TMEM268: variants seen among roughly 807,000 people sequenced by gnomAD.
The protein encoded by TMEM268 is transmembrane protein 268, also known as transmembrane protein C9orf91.
In TMEM268, 24 loss-of-function variants were observed where a neutral mutation model predicts 39.1. The observed-to-expected ratio is 0.61, with a 90% CI of 0.44 to 0.86. The LOEUF is 0.86. Ranked by LOEUF, TMEM268 falls within the 40% of genes least tolerant of loss-of-function variation. The pLI is 0.00. For synonymous variants in TMEM268, 176 were observed against 173.5 expected (o/e 1.01, Z -0.12); for missense variants, 409 against 428.6 (o/e 0.95, Z 0.40).
the TMEM268 span, among the ~76,000 whole-genome samples, chr9:114,605,467 C>T: frequency 1.3e-5 from 2 of 152,130 alleles, no homozygotes; most frequent in Non-Finnish European, 2.9e-5. Flanking sequence ...ATCAGGTCAA[C>T]ATAGATCTTC....
In TMEM268 at chr9:114,643,247, A is replaced by G. The variant is rs1405962682; in HGVS notation, c.963A>G (p.Pro321=). ...GTRHTNSPRI[P]CPCQLIEAYI... The stretch of plus-strand genomic sequence containing the variant: ...GACACACGAACTCTCCGAGAATTCC[A>G]TGCCCCTGCCAGCTCATAGAAGCCT... Residue 321 remains proline (P), a synonymous_variant, in exon 9 of 9, where the codon CCA becomes CCG. Transcript: ENST00000288502. The G allele has an allele frequency of 1.2e-6, 2 of 1,614,156 alleles. No homozygotes were observed. The highest frequency in any genetic ancestry group is 1.7e-6 in the Non-Finnish European group (2 of 1,180,012).
chr9:114,637,049 A>G lies in TMEM268; in HGVS notation c.645A>G (p.Gln215=), dbSNP rs749254477. 2 of 1,611,928 alleles carry G rather than the reference A, an allele frequency of 1.2e-6. No homozygotes were observed. The highest frequency in any genetic ancestry group is 2.2e-5 in the South Asian group (2 of 91,000). ...TGCAGTTTTTGTCTGATCATGTTCA[A>G]GAAATGAAGACTAGCCAAGAGGTAA... ...NCVQFLSDHV[Q]EMKTSQESLL... The change falls in exon 7 of 9, where the codon CAA becomes CAG. Residue 215 remains glutamine, a synonymous_variant. Transcript: ENST00000288502.
chr9:114,633,907 G>A, intron 6 of TMEM268, 29 bp downstream of exon 6: 1 of 1,345,100 alleles, frequency 7.4e-7, no homozygotes. Context: ...ACCTCTTCCT[G>A]ATGGCCCAGT....
In TMEM268 at chr9:114,638,650, C is replaced by G. The variant is rs776385294; in HGVS notation, c.773C>G (p.Pro258Arg). ...PENLEDAPLL[P>R]GNSCPNERPL... ...AACTTGGAGGATGCTCCTCTCCTGC[C>G]CGGCAATTCTTGTCCTAACGAGAGG... The change falls in exon 8 of 9, where the codon CCC (proline) becomes CGC (arginine). Residue 258 changes from proline to arginine, a missense_variant. Pro to Arg is a moderately radical substitution (Grantham distance 103). Transcript: ENST00000288502. The G allele has an allele frequency of 6.2e-7, 1 of 1,610,154 alleles. No individual in the cohort carries two copies. Among genetic ancestry groups the G allele is most frequent in the Non-Finnish European group, 8.5e-7 (1 of 1,178,438 alleles).
chr9:114,627,152 G>A (rs1476193500), intron 4 of TMEM268, 146 bp downstream of exon 4: 1 of 548,100 alleles, frequency 1.8e-6, no homozygotes, highest in African/African-American at 1.9e-5. Context: ...AGTACATATG[G>A]ACATTGATTT....
Position 114,624,415 on chromosome 9 carries a change from G to A in TMEM268, c.172G>A (p.Asp58Asn), listed in dbSNP as rs1323952972. The A allele has an allele frequency of 3.1e-6, 5 of 1,597,334 alleles. No homozygotes were observed. The highest frequency in any genetic ancestry group is 1.6e-4 in the Middle Eastern group (1 of 6,064). ...CAATACCTGTGCACCCATCTCCTTC[G>A]ACCTGGGAGCCGCAGAAGAGCAACT... ...IDNTCAPISF[D>N]LGAAEEQLQT... Residue 58 changes from aspartate to asparagine, a missense_variant, in exon 3 of 9, where the codon GAC becomes AAC. Transcript: ENST00000288502.
In TMEM268 at chr9:114,634,431, AAGG is replaced by A. The variant is rs1846540055; in HGVS notation, c.585+554_585+556del. ...GGCCGGAGAGGCAGGTCAGATGCTG[AAGG>A]CCTTGTTTGCCTGGCTTGGTCATTC... is the stretch of plus-strand genomic sequence containing the variant. On this transcript the variant is annotated intron_variant, in intron 6 of 8. Coordinates refer to ENST00000288502, the MANE Select transcript of TMEM268 (RefSeq NM_153045.4). Among the ~76,000 whole-genome samples, 4 of 152,166 alleles carry A rather than the reference AAGG, an allele frequency of 2.6e-5. No individual in the cohort carries two copies. In the South Asian group the frequency reaches 8.3e-4, roughly 31 times the overall value.
At chr9:114,632,740 G>T (rs752055917) in intron 5 of TMEM268, among the ~76,000 whole-genome samples, 1 of 152,122 alleles carries the variant, frequency 6.6e-6, no homozygotes, top group Non-Finnish European at 1.5e-5. Flanking sequence ...CCCATCTTCC[G>T]CAAATATCTT....
In TMEM268 at chr9:114,637,046, TCA is replaced by T. The variant is rs1237526827; in HGVS notation, c.643_644del (p.Gln215ArgfsTer5). On this transcript the variant is annotated frameshift_variant, in exon 7 of 9. Transcript: ENST00000288502. LOFTEE classifies it high-confidence loss of function. Reference sequence around the variant, plus strand: ...GTGTGCAGTTTTTGTCTGATCATGTTCAAGAAATGAAGACTAGCCAAGAGGTA... The same window carrying T: ...GTGTGCAGTTTTTGTCTGATCATGTTAGAAATGAAGACTAGCCAAGAGGTA... ...NCVQFLSDHV[Q>X]EMKTSQESLL... is the part of the protein sequence containing the mutation. 11 of 1,612,470 alleles carry T rather than the reference TCA, an allele frequency of 6.8e-6. No homozygotes were observed. Among genetic ancestry groups the T allele is most frequent in the Non-Finnish European group, 8.5e-6 (10 of 1,178,570 alleles).
intron 2 of TMEM268, chr9:114,622,556 C>T (rs1468958895): frequency 1.2e-5 from 11 of 953,316 alleles, no homozygotes; most frequent in South Asian, 4.8e-5. Flanking sequence ...GGATTTCAGT[C>T]CAGACTTTTC....
intron 6 of TMEM268, among the ~76,000 whole-genome samples, chr9:114,636,233 G>A (rs1472539754): frequency 6.6e-6 from 1 of 152,152 alleles, no homozygotes; most frequent in Non-Finnish European, 1.5e-5. Context: ...GGAAGGGGAG[G>A]CACAGGTGGG....
intron 8 of TMEM268, among the ~76,000 whole-genome samples, chr9:114,641,643 CT>C (rs922663800): frequency 3.4e-5 from 5 of 149,190 alleles, no homozygotes; most frequent in Non-Finnish European, 3.0e-5. Flanking sequence ...GATCACATGT[CT>C]TTTTTTTTTG....
chr9:114,619,442 C>T (rs1216925833), intron 2 of TMEM268, among the ~76,000 whole-genome samples: 1 of 152,180 alleles, frequency 6.6e-6, no homozygotes, highest in African/African-American at 2.4e-5. Flanking sequence ...GCCAAGAATC[C>T]AGGAACTCTT....
intron 8 of TMEM268, among the ~76,000 whole-genome samples, chr9:114,641,037 G>A (rs1281870495): frequency 1.3e-5 from 2 of 152,090 alleles, no homozygotes; most frequent in African/African-American, 4.8e-5. Flanking sequence ...CATGATGGCT[G>A]GCTAATTTTT....
chr9:114,606,411 A>G (rs1331610390), upstream of TMEM268, among the ~76,000 whole-genome samples: 1 of 152,214 alleles, frequency 6.6e-6, no homozygotes, highest in African/African-American at 2.4e-5. Context: ...ACGTACAGTT[A>G]GTCTACCTCT....
chr9:114,634,871 T>C (rs1487227961), intron 6 of TMEM268, among the ~76,000 whole-genome samples: 2 of 152,146 alleles, frequency 1.3e-5, no homozygotes, highest in Non-Finnish European at 2.9e-5. Context: ...TTGCCTATCA[T>C]TGGAGTGAAG....
At chr9:114,616,089 C>A (rs1204641904) in intron 1 of TMEM268, among the ~76,000 whole-genome samples, 2 of 147,796 alleles carry the variant, frequency 1.4e-5, no homozygotes, top group Non-Finnish European at 3.0e-5. Context: ...GATCTCTGCT[C>A]ACTGCAAGCT....
At chr9:114,622,400 A>G (rs1345783759) in intron 2 of TMEM268, 6 of 985,366 alleles carry the variant, frequency 6.1e-6, no homozygotes, top group Non-Finnish European at 7.2e-6. Context: ...CCCACCCCCC[A>G]GACCTCCTGG....
chr9:114,629,572 C>T (rs536510797), intron 5 of TMEM268, among the ~76,000 whole-genome samples: 43 of 152,320 alleles, frequency 2.8e-4, no homozygotes, highest in South Asian at 1.0e-3. Context: ...CTTTAACTCC[C>T]CTTTGCTGTG....
Sources: gnomAD v4.1 joint callset for allele counts (sites outside exome capture counted in the v4.1 genomes callset) on GRCh38, gnomAD v4.1.1 for gene constraint, MANE v1.5 for transcripts, NCBI Gene and HGNC (gene_info 2026-07-23, HGNC 2026-07-21) for gene names.